Variants in STK24 observed in about 807,000 individuals in gnomAD.
STK24 encodes serine/threonine-protein kinase 24.
Under a neutral mutation model 55.6 loss-of-function variants are expected in STK24, and 21 were observed. That is an observed-to-expected ratio of 0.38 (90% CI 0.27 to 0.54). The LOEUF (loss-of-function observed/expected upper bound fraction) is 0.54, where lower values mean the gene tolerates loss of function less well. Ranked by LOEUF, STK24 falls within the 20% of genes least tolerant of loss-of-function variation. The pLI is 0.79. For missense variants in STK24, 383 were observed against 538.4 expected (o/e 0.71, Z 2.86); for synonymous variants, 200 against 215.2 (o/e 0.93, Z 0.62).
At chr13:98,554,658 C>T (rs1452726667) in intron 1 of STK24, among the ~76,000 whole-genome samples, 1 of 152,104 alleles carries the variant, frequency 6.6e-6, no homozygotes, top group Non-Finnish European at 1.5e-5. Context: ...TCCACCTCTA[C>T]AAAAATAAAA....
At chr13:98,494,549 G>A (rs919288411) in intron 2 of STK24, among the ~76,000 whole-genome samples, 24 of 152,108 alleles carry the variant, frequency 1.6e-4, no homozygotes, top group African/African-American at 5.3e-4. Context: ...CATGTATGGG[G>A]TTTAACCCCA....
intron 6 of STK24, 105 bp downstream of exon 6, chr13:98,466,271 C>G: frequency 8.9e-7 from 1 of 1,129,130 alleles, no homozygotes; most frequent in South Asian, 2.3e-5. Context: ...TGAATAATAC[C>G]AGGAAGACAG....
In STK24 at chr13:98,448,703, A is replaced by G. The variant is rs559201417; in HGVS notation, c.*4470T>C. 1.0e-4 allele frequency: 17 copies of G among 167,748 alleles called. No individual in the cohort carries two copies. Among genetic ancestry groups the G allele is most frequent in the Non-Finnish European group, 1.8e-4 (14 of 78,492 alleles). 10.4% of individuals were successfully genotyped at this position (167,748 alleles called of 1,614,324 possible). On this transcript the variant is annotated 3_prime_UTR_variant, in exon 11 of 11. Transcript: ENST00000539966. ...GTTCTTTCTTTTATTATTTTCACCTATTGGCTGCTGCATTTTACGAAGTGG... is the reference window on the plus strand; with the variant it reads ...GTTCTTTCTTTTATTATTTTCACCTGTTGGCTGCTGCATTTTACGAAGTGG...
rs1427734927 is a variant in STK24, at chr13:98,446,005, C to T, written c.*7168G>A. ...CACATCCTTCAGTCACGGACATGCC[C>T]CAGCCCAGGGCCCTGGTGCAGGGAG... On this transcript the variant is annotated 3_prime_UTR_variant, in exon 11 of 11. Coordinates refer to ENST00000539966, the MANE Select transcript of STK24 (RefSeq NM_001032296.4). The T allele has an allele frequency of 1.2e-6, 1 of 846,198 alleles. No homozygotes were observed. Among genetic ancestry groups the T allele is most frequent in the Non-Finnish European group, 1.9e-6 (1 of 515,162 alleles). 52.4% of individuals were successfully genotyped at this position (846,198 alleles called of 1,614,324 possible).
chr13:98,460,490 TG>T, intron 8 of STK24, 50 bp from the exon 9 acceptor site: 1 of 1,493,238 alleles, frequency 6.7e-7, no homozygotes, highest in Non-Finnish European at 9.3e-7. Flanking sequence ...ACGTTCACAT[TG>T]GCAATAATTT....
intron 2 of STK24, among the ~76,000 whole-genome samples, chr13:98,496,837 T>C (rs1566369106): frequency 6.6e-6 from 1 of 152,092 alleles, no homozygotes; most frequent in African/African-American, 2.4e-5. Flanking sequence ...AGGACAGACA[T>C]TTGCAAGTAA....
chr13:98,573,476 T>C (rs895605102), intron 1 of STK24, among the ~76,000 whole-genome samples: 2 of 152,198 alleles, frequency 1.3e-5, no homozygotes, highest in Non-Finnish European at 2.9e-5. Context: ...GTCTATTTTT[T>C]TCCCCTACTG....
At chr13:98,565,228 C>T (rs1459153690) in intron 1 of STK24, among the ~76,000 whole-genome samples, 1 of 152,142 alleles carries the variant, frequency 6.6e-6, no homozygotes, top group Non-Finnish European at 1.5e-5. Context: ...TTGCTCAGAA[C>T]ACAAACTCCC....
In STK24 at chr13:98,448,208, TTGAC is replaced by T. The variant is rs759761724; in HGVS notation, c.*4961_*4964del. 1.9e-6 allele frequency: 3 copies of T among 1,601,062 alleles called. No individual in the cohort carries two copies. Among genetic ancestry groups the T allele is most frequent in the Non-Finnish European group, 2.6e-6 (3 of 1,168,430 alleles). ...GTCAGGAGTCCGTCCAAACAAAAGGTTGACTAACTGGCGTTCCCGTGTTGCAGGT... is the reference window on the plus strand; with the variant it reads ...GTCAGGAGTCCGTCCAAACAAAAGGTTAACTGGCGTTCCCGTGTTGCAGGT... On this transcript the variant is annotated 3_prime_UTR_variant, in exon 11 of 11. Coordinates refer to ENST00000539966, the MANE Select transcript of STK24 (RefSeq NM_001032296.4).
chr13:98,457,361 A>G, intron 9 of STK24, 57 bp from the exon 10 acceptor site: 2 of 1,611,814 alleles, frequency 1.2e-6, no homozygotes, highest in South Asian at 2.2e-5. Flanking sequence ...AAAACTGGGA[A>G]GCATGCTGTT....
In STK24 at chr13:98,482,113, A is replaced by C. The variant is rs575636936; in HGVS notation, c.330+152T>G. Reference sequence around the variant, plus strand: ...CCAATAATTTTTAGTGATATATAAGAAGCAAAAAAACACGTAAGGAATAGT... The same window carrying C: ...CCAATAATTTTTAGTGATATATAAGCAGCAAAAAAACACGTAAGGAATAGT... On this transcript the variant is annotated intron_variant, in intron 3 of 10. Transcript: ENST00000539966. 3.9e-5 allele frequency: 17 copies of C among 439,572 alleles called. No individual in the cohort carries two copies. The Admixed American group carries it at 4.3e-4, about 11-fold the overall frequency. 27.2% of individuals were successfully genotyped at this position (439,572 alleles called of 1,614,324 possible).
chr13:98,541,864 T>C (rs1394600631), intron 1 of STK24, among the ~76,000 whole-genome samples: 1 of 152,224 alleles, frequency 6.6e-6, no homozygotes, highest in Non-Finnish European at 1.5e-5. Flanking sequence ...GTGTATCACA[T>C]AAATTCCGGG....
chr13:98,484,908 G>A (rs771917919), intron 2 of STK24, among the ~76,000 whole-genome samples: 2 of 152,240 alleles, frequency 1.3e-5, no homozygotes, highest in Middle Eastern at 3.4e-3. Context: ...TAGCAGACGC[G>A]CTGGGTGGCA....
intron 1 of STK24, among the ~76,000 whole-genome samples, chr13:98,520,288 G>A (rs897753988): frequency 3.9e-5 from 6 of 152,156 alleles, no homozygotes; most frequent in African/African-American, 1.4e-4. Flanking sequence ...AGACAGGGAC[G>A]CTGCATATCT....
rs72654392 is a variant in STK24, at chr13:98,467,173, G to T, written c.598-612C>A. On this transcript the variant is annotated intron_variant, in intron 5 of 10. Coordinates refer to ENST00000539966, the MANE Select transcript of STK24 (RefSeq NM_001032296.4). ...AAAATGTTCAAACATACAAAGAACT[G>T]AGAAATATTAATATAATGCATCCTC... Among the ~76,000 whole-genome samples the T allele has an allele frequency of 1.6e-3, 248 of 152,262 alleles. 2 individuals carry two copies. Among genetic ancestry groups the T allele is most frequent in the Admixed American group, 3.0e-3 (46 of 15,298 alleles).
chr13:98,532,590 T>G (rs1008583771), intron 1 of STK24, among the ~76,000 whole-genome samples: 6 of 152,170 alleles, frequency 3.9e-5, no homozygotes, highest in Non-Finnish European at 8.8e-5. Flanking sequence ...GGTGAACTAG[T>G]TGGTTAATCT....
In STK24 at chr13:98,446,784, A is replaced by T. The variant is rs1333929929; in HGVS notation, c.*6389T>A. 8 of 1,613,952 alleles carry T rather than the reference A, an allele frequency of 5.0e-6. No homozygotes were observed. The highest frequency in any genetic ancestry group is 1.7e-6 in the Non-Finnish European group (2 of 1,180,020). ...CTGCACTTCAAGTCCCACGTCTACTACTTCAGGGCGGAAAGCGAGTACACG... is the reference window on the plus strand; with the variant it reads ...CTGCACTTCAAGTCCCACGTCTACTTCTTCAGGGCGGAAAGCGAGTACACG... On this transcript the variant is annotated 3_prime_UTR_variant, in exon 11 of 11. Coordinates refer to ENST00000539966, the MANE Select transcript of STK24 (RefSeq NM_001032296.4).
At chr13:98,463,933 A>T in intron 6 of STK24, 97 bp from the exon 7 acceptor site, 1 of 1,382,830 alleles carries the variant, frequency 7.2e-7, no homozygotes, top group Admixed American at 1.9e-5. Flanking sequence ...CGCCACACTG[A>T]CACCTGATGG....
chr13:98,478,299 G>A (rs925579058), intron 3 of STK24, among the ~76,000 whole-genome samples: 3 of 152,200 alleles, frequency 2.0e-5, no homozygotes, highest in Admixed American at 6.5e-5. Flanking sequence ...CCCCTGCTTC[G>A]AAGCTCTGTA....
Sources: allele counts gnomAD v4.1 joint callset (sites outside exome capture counted in the v4.1 genomes callset), GRCh38; gene constraint gnomAD v4.1.1; transcripts MANE v1.5; gene names NCBI Gene and HGNC (gene_info 2026-07-23, HGNC 2026-07-21).